Variants in PDXDC1 observed in about 807,000 individuals in gnomAD.
PDXDC1 encodes pyridoxal-dependent decarboxylase domain-containing protein 1.
Under a neutral mutation model 100.1 loss-of-function variants are expected in PDXDC1, and 42 were observed. The ratio of observed to expected loss-of-function variants is 0.42; its 90% CI spans 0.33 to 0.54. The LOEUF (loss-of-function observed/expected upper bound fraction) is 0.54. Ranked by LOEUF, PDXDC1 falls within the 20% of genes least tolerant of loss-of-function variation. The pLI is 0.10. For synonymous variants in PDXDC1, 260 were observed against 371.7 expected, an observed-to-expected ratio of 0.70 and a Z score of 3.46; for missense variants, 636 against 979.2, an observed-to-expected ratio of 0.65 and a Z score of 4.68.
At position 15,104,475 on chromosome 16, in the gene PDXDC1, GGGAGGTGTCTT is replaced by G. The variant is rs1567252419; in HGVS notation, c.1400-34402_1400-34392del. On this transcript the variant is annotated intron_variant, in intron 16 of 16. Transcript: ENST00000535621. ...GGAAGGGGAGTGAGCAGACACACTCGGGAGGTGTCTTGAGATTATCATCCGCTGAGGGTGGA... is the reference window on the plus strand; with the variant it reads ...GGAAGGGGAGTGAGCAGACACACTCGGAGATTATCATCCGCTGAGGGTGGA... 0.012 allele frequency: 5,113 copies of G among 428,618 alleles called. 311 individuals carry two copies. The South Asian group carries it at 0.13, about 11-fold the overall frequency. 26.6% of individuals were successfully genotyped at this position (428,618 alleles called of 1,614,324 possible).
Position 15,130,502 on chromosome 16 carries a change from G to C in PDXDC1, c.1400-8377G>C, listed in dbSNP as rs751742529. 13 of 1,350,330 alleles carry C rather than the reference G, an allele frequency of 9.6e-6. No homozygotes were observed. In the African/African-American group the frequency reaches 1.9e-4, roughly 19 times the overall value. The allele number at this position is 1,350,330 out of a possible 1,614,324, so 83.6% of individuals were successfully genotyped here. Reference sequence around the variant, plus strand: ...ACGTGAGCCCAGGCTCCGCCAGGTTGGATATCGGAGTCCCAGAGCCCATAC... The same window carrying C: ...ACGTGAGCCCAGGCTCCGCCAGGTTCGATATCGGAGTCCCAGAGCCCATAC... On this transcript the variant is annotated intron_variant, in intron 16 of 16. Transcript: ENST00000535621.
chr16:15,044,567 T>G, intron 16 of PDXDC1: 5 of 620,868 alleles, frequency 8.1e-6, no homozygotes, highest in Non-Finnish European at 1.4e-5. Context: ...GGCAGCACAC[T>G]GCCAAGGCCA....
intron 3 of PDXDC1, among the ~76,000 whole-genome samples, chr16:15,000,524 T>C (rs1487662330): frequency 3.9e-5 from 6 of 152,284 alleles, no homozygotes; most frequent in Non-Finnish European, 7.3e-5. Flanking sequence ...GCGCTTCCTT[T>C]GTTGAAAGAG....
intron 16 of PDXDC1, chr16:15,135,977 T>A (rs1348206252): frequency 3.2e-6 from 5 of 1,566,508 alleles, no homozygotes; most frequent in East Asian, 4.6e-5. Context: ...CCCCGGCTGG[T>A]GGGCCCGAGC....
At position 15,036,464 on chromosome 16, in the gene PDXDC1, CATGTAG is replaced by C; in HGVS notation, c.*191_*196del. 2.0e-6 allele frequency: 1 copy of C among 506,108 alleles called. No homozygotes were observed. The highest frequency in any genetic ancestry group is 3.4e-6 in the Non-Finnish European group (1 of 291,412). The allele number at this position is 506,108 out of a possible 1,614,324, so 31.4% of individuals were successfully genotyped here. On this transcript the variant is annotated 3_prime_UTR_variant, in exon 23 of 23. Coordinates refer to ENST00000396410, the MANE Select transcript of PDXDC1 (RefSeq NM_015027.4). ...GAGTCAGCTTGTCTAACTTCATGTACATGTAGAACCACGTTTGCTGTCCTACTACGA... is the reference window on the plus strand; with the variant it reads ...GAGTCAGCTTGTCTAACTTCATGTACAACCACGTTTGCTGTCCTACTACGA...
At chr16:15,030,085 C>G in intron 16 of PDXDC1, 29 bp downstream of exon 16, 1 of 1,542,738 alleles carries the variant, frequency 6.5e-7, no homozygotes, top group Non-Finnish European at 8.8e-7. Context: ...ACATCCCTTG[C>G]TTTTGTTCTG....
chr16:15,122,921 G>A (rs1474884658), intron 16 of PDXDC1, among the ~76,000 whole-genome samples: 3 of 149,608 alleles, frequency 2.0e-5, no homozygotes, highest in Non-Finnish European at 3.0e-5. Context: ...TGGAGGAGGA[G>A]GAGGAGAAGA....
At chr16:15,130,365 G>A (rs1318123125) in intron 16 of PDXDC1, 3 of 1,566,504 alleles carry the variant, frequency 1.9e-6, no homozygotes, top group South Asian at 1.2e-5. Context: ...CTGGCACAGG[G>A]ACGTGTACAG....
chr16:15,092,332 G>A (rs1259274666), intron 16 of PDXDC1, among the ~76,000 whole-genome samples: 1 of 151,888 alleles, frequency 6.6e-6, no homozygotes, highest in East Asian at 1.9e-4. Context: ...GCCAAGGTGG[G>A]GGAAAAAAAG....
At chr16:15,039,857 G>A (rs567175884), downstream of PDXDC1, 265 of 679,118 alleles carry the variant, frequency 3.9e-4, 1 homozygote, top group African/African-American at 5.4e-4. Context: ...GATAATGTAC[G>A]GCTATAAAGA....
Position 15,036,467 on chromosome 16 carries a change from G to A in PDXDC1, c.*192G>A. 1 of 498,974 alleles carries A rather than the reference G, an allele frequency of 2.0e-6. No individual in the cohort carries two copies. The highest frequency in any genetic ancestry group is 3.0e-5 in the East Asian group (1 of 33,620). 30.9% of individuals were successfully genotyped at this position (498,974 alleles called of 1,614,324 possible). On this transcript the variant is annotated 3_prime_UTR_variant, in exon 23 of 23. Coordinates refer to ENST00000396410, the MANE Select transcript of PDXDC1 (RefSeq NM_015027.4). ...TCAGCTTGTCTAACTTCATGTACAT[G>A]TAGAACCACGTTTGCTGTCCTACTA...
chr16:15,144,738 G>A, the PDXDC1 span, among the ~76,000 whole-genome samples: 1 of 152,190 alleles, frequency 6.6e-6, no homozygotes, highest in Non-Finnish European at 1.5e-5. Flanking sequence ...GGAGACTCCG[G>A]CCTCGGAGGC....
chr16:15,011,627 T>C (rs1373925294), intron 8 of PDXDC1, among the ~76,000 whole-genome samples: 8 of 141,662 alleles, frequency 5.6e-5, no homozygotes, highest in African/African-American at 1.8e-4. Flanking sequence ...CAAAACATTT[T>C]TTTCTTTTTT....
At position 14,997,767 on chromosome 16, in the gene PDXDC1, G is replaced by A. The variant is rs189554591; in HGVS notation, c.36G>A (p.Thr12=). The change falls in exon 2 of 23, where the codon ACG becomes ACA. Residue 12 remains threonine (T), a synonymous_variant. Transcript: ENST00000396410. ...TTGTTTCCCAGATAGCAGACCCCACGTTAGCTGAAATGGGAAAAAACTTGA... is the reference window on the plus strand; with the variant it reads ...TTGTTTCCCAGATAGCAGACCCCACATTAGCTGAAATGGGAAAAAACTTGA... ...DASLEKIADP[T]LAEMGKNLKE... is the part of the protein sequence containing the mutation. The A allele has an allele frequency of 3.3e-5, 53 of 1,610,890 alleles. No individual in the cohort carries two copies. The East Asian group carries it at 7.0e-4, about 21-fold the overall frequency.
intron 16 of PDXDC1, among the ~76,000 whole-genome samples, chr16:15,071,953 C>CA: frequency 6.6e-6 from 1 of 152,120 alleles, no homozygotes; most frequent in East Asian, 1.9e-4. Context: ...CCTGTGAGTG[C>CA]AAAGCACCTT....
intron 1 of PDXDC1, among the ~76,000 whole-genome samples, chr16:14,976,612 G>A (rs1488354427): frequency 2.0e-5 from 3 of 152,284 alleles, no homozygotes; most frequent in Admixed American, 6.5e-5. Context: ...GTCCAGATGA[G>A]TGGTTCTTAA....
chr16:15,094,310 T>C lies in PDXDC1; in HGVS notation c.1400-44569T>C, dbSNP rs1403111964. ...CCAGCCACAGCCTCTGTCCCGGAAGTTGCGCGTGCCAGCGCAACCTTCAGC... is the reference window on the plus strand; with the variant it reads ...CCAGCCACAGCCTCTGTCCCGGAAGCTGCGCGTGCCAGCGCAACCTTCAGC... On this transcript the variant is annotated intron_variant, in intron 16 of 16. Transcript: ENST00000535621. 4.6e-6 allele frequency: 6 copies of C among 1,316,376 alleles called. No homozygotes were observed. In the African/African-American group the frequency reaches 7.4e-5, roughly 16 times the overall value. The allele number at this position is 1,316,376 out of a possible 1,614,324, so 81.5% of individuals were successfully genotyped here.
At chr16:15,104,326 A>T in intron 16 of PDXDC1, 1 of 1,545,002 alleles carries the variant, frequency 6.5e-7, no homozygotes, top group Non-Finnish European at 8.7e-7. Flanking sequence ...TTTTATTTTT[A>T]TATTATTTAT....
intron 16 of PDXDC1, among the ~76,000 whole-genome samples, chr16:15,070,928 GT>G: frequency 6.6e-6 from 1 of 152,030 alleles, no homozygotes; most frequent in Non-Finnish European, 1.5e-5. Flanking sequence ...TACATACAGG[GT>G]TTTATATATA....
Sources: gnomAD v4.1 joint callset for allele counts (sites outside exome capture counted in the v4.1 genomes callset) on GRCh38, gnomAD v4.1.1 for gene constraint, MANE v1.5 for transcripts, NCBI Gene and HGNC (gene_info 2026-07-23, HGNC 2026-07-21) for gene names.